Variants in TTN observed in about 807,000 individuals in gnomAD.
The protein encoded by TTN is titin.
A neutral mutation model predicts 3,223.0 loss-of-function variants in TTN; 1,525 were observed. The ratio of observed to expected loss-of-function variants is 0.47; its 90% CI spans 0.45 to 0.49. The LOEUF (loss-of-function observed/expected upper bound fraction) is 0.49. TTN is among the 20% of genes least tolerant of loss of function. The probability of loss-of-function intolerance (pLI) is 0.00; values close to 1 mark genes in which losing one functional copy is unlikely to be tolerated. For missense variants in TTN, 40,786 were observed against 43,424.0 expected, an observed-to-expected ratio of 0.94 and a Z score of 5.40; for synonymous variants, 14,094 against 15,161.0, an observed-to-expected ratio of 0.93 and a Z score of 5.17.
At position 178,537,373 on chromosome 2, in the gene TTN, T is replaced by A. The variant is rs1449104575; in HGVS notation, c.99834A>T (p.Thr33278=). ...YKVQLSNVFG[T]VDAILDVEIQ... ...TTTCCACATCAAGGATGGCATCAAC[T>A]GTTCCAAAAACATTGCTGAGCTGGA... Residue 33278 remains threonine (T), a synonymous_variant, in exon 355 of 363, where the codon ACA becomes ACT. Transcript: ENST00000589042. 1 of 1,590,664 alleles carries A rather than the reference T, an allele frequency of 6.3e-7. No homozygotes were observed. The highest frequency in any genetic ancestry group is 8.6e-7 in the Non-Finnish European group (1 of 1,166,738).
chr2:178,700,068 C>A (rs746408744), intron 111 of TTN, among the ~76,000 whole-genome samples: 1 of 152,082 alleles, frequency 6.6e-6, no homozygotes, highest in African/African-American at 2.4e-5. Context: ...CAGTGAGTAC[C>A]AAACTTAGCC....
chr2:178,546,337 T>G lies in TTN; in HGVS notation c.94994A>C (p.Gln31665Pro). ...ELDLCEKVSLQYTGKRATAVI... is the reference protein window; with the variant it reads ...ELDLCEKVSLPYTGKRATAVI... Reference sequence around the variant, plus strand: ...AGCAGTTGCTCGTTTGCCAGTATACTGCAAAGAGACTTTTTCACAGAGATC... The same window carrying G: ...AGCAGTTGCTCGTTTGCCAGTATACGGCAAAGAGACTTTTTCACAGAGATC... The change falls in exon 342 of 363, where the codon CAG becomes CCG. Residue 31665 changes from glutamine (Q) to proline (P), a missense_variant. By Grantham distance (76) the Gln-to-Pro change is moderately conservative. Transcript: ENST00000589042. 6.2e-7 allele frequency: 1 copy of G among 1,613,848 alleles called. No individual in the cohort carries two copies. The highest frequency in any genetic ancestry group is 8.5e-7 in the Non-Finnish European group (1 of 1,179,772).
Position 178,678,217 on chromosome 2 carries a change from A to G in TTN, c.33911-9T>C. 6.3e-7 allele frequency: 1 copy of G among 1,593,022 alleles called. No homozygotes were observed. Among genetic ancestry groups the G allele is most frequent in the Non-Finnish European group, 8.5e-7 (1 of 1,172,006 alleles). ...CTTGGGCACCTCTGGCACTTTAAAGATATTATTTATATTTAGGAATATGTT... is the reference window on the plus strand; with the variant it reads ...CTTGGGCACCTCTGGCACTTTAAAGGTATTATTTATATTTAGGAATATGTT... On this transcript the variant is annotated splice_polypyrimidine_tract_variant and intron_variant, in intron 144 of 362. Coordinates refer to ENST00000589042, the MANE Select transcript of TTN (RefSeq NM_001267550.2).
chr2:178,607,672 C>T lies in TTN; in HGVS notation c.53016G>A (p.Val17672=). 1 of 1,612,904 alleles carries T rather than the reference C, an allele frequency of 6.2e-7. No homozygotes were observed. The highest frequency in any genetic ancestry group is 1.1e-5 in the South Asian group (1 of 91,064). ...CACCCTTGACAGAAACATCCAGTTC[C>T]ACAGCTGGAGGCTCTGTTGAAAGAG... ...TVAEPQEPPA[V]ELDVSVKGGI... The change falls in exon 277 of 363, where the codon GTG becomes GTA. Residue 17672 remains valine (V), a synonymous_variant. Coordinates refer to ENST00000589042, the MANE Select transcript of TTN (RefSeq NM_001267550.2).
At chr2:178,713,502 G>A (rs943904501) in intron 92 of TTN, 130 bp from the exon 93 acceptor site, 10 of 1,364,498 alleles carry the variant, frequency 7.3e-6, no homozygotes, top group Non-Finnish European at 7.7e-6. Context: ...CTTTTGTGAC[G>A]GTATTAAAAA....
chr2:178,701,479 G>C (rs1483242445), intron 110 of TTN, 49 bp downstream of exon 110: 1 of 1,580,630 alleles, frequency 6.3e-7, no homozygotes, highest in East Asian at 2.2e-5. Context: ...GATTCCTAGT[G>C]CTAGAATATT....
At position 178,609,458 on chromosome 2, in the gene TTN, A is replaced by T; in HGVS notation, c.51852T>A (p.Asp17284Glu). 2 of 1,612,412 alleles carry T rather than the reference A, an allele frequency of 1.2e-6. No homozygotes were observed. Among genetic ancestry groups the T allele is most frequent in the East Asian group, 2.2e-5 (1 of 44,578 alleles). Residue 17284 changes from aspartate to glutamate, a missense_variant, in exon 273 of 363, where the codon GAT becomes GAA. Transcript: ENST00000589042. Reference protein sequence around the residue: ...SPYPTITWIKDENVIVPEEIK... With the variant: ...SPYPTITWIKEENVIVPEEIK... ...TTTCCTCTGGTACAATAACATTTTC[A>T]TCCTTTATCCATGTAATAGTTGGGT...
rs986919717 is a variant in TTN, at chr2:178,545,646, C to T, written c.95464G>A (p.Glu31822Lys). The change falls in exon 344 of 363, where the codon GAG becomes AAG. Residue 31822 changes from glutamate (E) to lysine (K), a missense_variant. Physicochemically the swap from Glu to Lys is moderately conservative, Grantham distance 56. Transcript: ENST00000589042. The part of the protein sequence containing the change: ...GIPEEVGTGK[E>K]HIIIQWTKPE... ...TTTGTCCACTGAATGATGATATGCT[C>T]TTTGCCAGTCCCAACTTCTTCAGGT... 1 of 1,613,778 alleles carries T rather than the reference C, an allele frequency of 6.2e-7. No homozygotes were observed. Among genetic ancestry groups the T allele is most frequent in the Non-Finnish European group, 8.5e-7 (1 of 1,179,718 alleles).
At chr2:178,628,290 G>A (rs185825089) in intron 240 of TTN, among the ~76,000 whole-genome samples, 11 of 152,144 alleles carry the variant, frequency 7.2e-5, no homozygotes, top group Non-Finnish European at 1.2e-4. Flanking sequence ...TTGTTAAACT[G>A]AATCACTTTT....
chr2:178,723,667 G>A lies in TTN; in HGVS notation c.21433C>T (p.Pro7145Ser), dbSNP rs745988872. Residue 7145 changes from proline (P) to serine (S), a missense_variant, in exon 74 of 363, where the codon CCT becomes TCT. By Grantham distance (74) the Pro-to-Ser change is moderately conservative (BLOSUM62 -1). Coordinates refer to ENST00000589042, the MANE Select transcript of TTN (RefSeq NM_001267550.2). ...TTTTTGCCTGGTAGTACTTCCAAAG[G>A]TTCAGGTTCTTTCACAAAAGAGGGT... The part of the protein sequence containing the change: ...EPPSFVKEPE[P>S]LEVLPGKNVT... The A allele has an allele frequency of 6.3e-7, 1 of 1,596,032 alleles. No homozygotes were observed. Among genetic ancestry groups the A allele is most frequent in the Admixed American group, 1.7e-5 (1 of 57,160 alleles).
chr2:178,557,927 C>T lies in TTN; in HGVS notation c.87427G>A (p.Gly29143Ser). ...GTTATATCACTAATAACAACAGGGCCAGTTGGAGGACCAGGCCTGTCTAGC... is the reference window on the plus strand; with the variant it reads ...GTTATATCACTAATAACAACAGGGCTAGTTGGAGGACCAGGCCTGTCTAGC... ...VVLDRPGPPT[G>S]PVVISDITEE... is the part of the protein sequence containing the mutation. Residue 29143 changes from glycine (G) to serine (S), a missense_variant, in exon 328 of 363, where the codon GGC (glycine) becomes AGC (serine). Transcript: ENST00000589042. 1 of 1,613,284 alleles carries T rather than the reference C, an allele frequency of 6.2e-7. No individual in the cohort carries two copies. Among genetic ancestry groups the T allele is most frequent in the South Asian group, 1.1e-5 (1 of 91,086 alleles).
In TTN at chr2:178,693,862, G is replaced by T. The variant is rs536070530; in HGVS notation, c.31513+60C>A. 5.5e-6 allele frequency: 8 copies of T among 1,445,822 alleles called. No homozygotes were observed. In the African/African-American group the frequency reaches 9.8e-5, roughly 18 times the overall value. The allele number at this position is 1,445,822 out of a possible 1,614,324, so 89.6% of individuals were successfully genotyped here. ...ACGATCACAAATTAGACAACAAGAGGGATAAAAATCTGCCTAAAACCCTTC... is the reference window on the plus strand; with the variant it reads ...ACGATCACAAATTAGACAACAAGAGTGATAAAAATCTGCCTAAAACCCTTC... On this transcript the variant is annotated intron_variant, in intron 118 of 362. Coordinates refer to ENST00000589042, the MANE Select transcript of TTN (RefSeq NM_001267550.2).
chr2:178,667,811 C>A (rs374669780), intron 159 of TTN, 90 bp from the exon 160 acceptor site: 3 of 929,160 alleles, frequency 3.2e-6, no homozygotes, highest in South Asian at 1.8e-5. Context: ...ATACCACATT[C>A]ATCACCAAAA....
rs979267983 is a variant in TTN, at chr2:178,591,519, T to C, written c.60221-15A>G. The C allele has an allele frequency of 2.5e-6, 4 of 1,582,972 alleles. No individual in the cohort carries two copies. The highest frequency in any genetic ancestry group is 1.4e-5 in the African/African-American group (1 of 72,684). ...GGATGGAGGCACTGAAAAGTAAACA[T>C]GAAAAAATTAGATTTTGATTTTCAC... is the stretch of plus-strand genomic sequence containing the variant. On this transcript the variant is annotated splice_polypyrimidine_tract_variant and intron_variant, in intron 303 of 362. Coordinates refer to ENST00000589042, the MANE Select transcript of TTN (RefSeq NM_001267550.2).
Position 178,563,253 on chromosome 2 carries a change from G to T in TTN, c.82879C>A (p.Gln27627Lys), listed in dbSNP as rs747365357. The stretch of plus-strand genomic sequence containing the variant: ...TTGGTCACTGTGAACTGCTTTCCTT[G>T]TAATCCTGTTGGTGGAGTGCAGGTT... ...WTTCTPPTGL[Q>K]GKQFTVTKLK... Residue 27627 changes from glutamine (Q) to lysine (K), a missense_variant, in exon 326 of 363, where the codon CAA becomes AAA. Transcript: ENST00000589042. This position sits in a 1 kb window ranked among gnomAD's most constrained non-coding sequence, Gnocchi z 4.5. 6 of 1,613,568 alleles carry T rather than the reference G, an allele frequency of 3.7e-6. No individual in the cohort carries two copies. Among genetic ancestry groups the T allele is most frequent in the Non-Finnish European group, 5.1e-6 (6 of 1,179,720 alleles).
chr2:178,641,214 C>T (rs1340271239), intron 220 of TTN, 27 bp downstream of exon 220: 1 of 1,427,574 alleles, frequency 7.0e-7, no homozygotes, highest in African/African-American at 1.5e-5. Context: ...AAAAGATAAT[C>T]TTACAAATTG....
At position 178,770,805 on chromosome 2, in the gene TTN, C is replaced by A. The variant is rs2154343033; in HGVS notation, c.8117-130G>T. On this transcript the variant is annotated intron_variant, in intron 34 of 362. Coordinates refer to ENST00000589042, the MANE Select transcript of TTN (RefSeq NM_001267550.2). ...CCAAACATTTTACAGTTATGCAGCA[C>A]CTCTGTTTTAAAAAACACCTGAGAT... The A allele has an allele frequency of 2.5e-6, 3 of 1,195,914 alleles. No individual in the cohort carries two copies. In the East Asian group the frequency reaches 7.0e-5, roughly 28 times the overall value. The allele number at this position is 1,195,914 out of a possible 1,614,324, so 74.1% of individuals were successfully genotyped here.
Position 178,664,644 on chromosome 2 carries a change from C to G in TTN, c.36202+10G>C, listed in dbSNP as rs765321861. On this transcript the variant is annotated intron_variant, in intron 167 of 362. Coordinates refer to ENST00000589042, the MANE Select transcript of TTN (RefSeq NM_001267550.2). ...TGTTCCCACCCCTCTAAGCTTCCAG[C>G]AAGATATACCTTCATCAGGAAGGAC... 2 of 1,612,038 alleles carry G rather than the reference C, an allele frequency of 1.2e-6. No individual in the cohort carries two copies. The highest frequency in any genetic ancestry group is 1.7e-6 in the Non-Finnish European group (2 of 1,179,502).
In TTN at chr2:178,540,255, A is replaced by T; in HGVS notation, c.97911T>A (p.Ile32637=). 2 of 1,613,808 alleles carry T rather than the reference A, an allele frequency of 1.2e-6. No individual in the cohort carries two copies. Among genetic ancestry groups the T allele is most frequent in the Non-Finnish European group, 1.7e-6 (2 of 1,179,774 alleles). Reference sequence around the variant, plus strand: ...CATGTTGATCTACTTTTTGCATTTCAATCAAGTAGCCTGTGACTTTAGATC... The same window carrying T: ...CATGTTGATCTACTTTTTGCATTTCTATCAAGTAGCCTGTGACTTTAGATC... ...EGGSKVTGYL[I]EMQKVDQHEW... Residue 32637 remains isoleucine, a synonymous_variant, in exon 351 of 363, where the codon ATT becomes ATA. Coordinates refer to ENST00000589042, the MANE Select transcript of TTN (RefSeq NM_001267550.2).
Sources: allele counts gnomAD v4.1 joint callset (sites outside exome capture counted in the v4.1 genomes callset), GRCh38; gene constraint gnomAD v4.1.1; non-coding constraint Gnocchi (gnomAD v3.1); transcripts MANE v1.5; gene names NCBI Gene and HGNC (gene_info 2026-07-23, HGNC 2026-07-21).